Variants in CTNNBL1 observed in about 807,000 individuals in gnomAD.
The protein encoded by CTNNBL1 is catenin beta like 1.
In CTNNBL1, 31 loss-of-function variants were observed where a neutral mutation model predicts 72.7. The ratio of observed to expected loss-of-function variants is 0.43; its 90% CI spans 0.32 to 0.58. CTNNBL1 has a LOEUF of 0.58. Ranked by LOEUF, CTNNBL1 falls within the 20% of genes least tolerant of loss-of-function variation. The pLI, the probability that CTNNBL1 is intolerant of heterozygous loss-of-function variation, is 0.08. For synonymous variants in CTNNBL1, 240 were observed against 267.3 expected (o/e 0.90, Z 1.00); for missense variants, 534 against 725.1 (o/e 0.74, Z 3.03).
intron 10 of CTNNBL1, among the ~76,000 whole-genome samples, 186 bp downstream of exon 10, chr20:37,779,521 G>A (rs970564527): frequency 3.3e-5 from 5 of 152,096 alleles, no homozygotes; most frequent in African/African-American, 9.7e-5. Context: ...TAAAGTTAGA[G>A]TAGATGAATA....
chr20:37,808,638 G>T (rs2071981664), intron 11 of CTNNBL1, among the ~76,000 whole-genome samples: 1 of 152,034 alleles, frequency 6.6e-6, no homozygotes, highest in Admixed American at 6.6e-5. Flanking sequence ...GAATAGATTG[G>T]CAGTGTCTTC....
intron 1 of CTNNBL1, among the ~76,000 whole-genome samples, chr20:37,702,601 A>G (rs2072853731): frequency 6.6e-6 from 1 of 152,238 alleles, no homozygotes; most frequent in Non-Finnish European, 1.5e-5. Context: ...GGACCAGAAC[A>G]GATACAGAGC....
intron 15 of CTNNBL1, among the ~76,000 whole-genome samples, chr20:37,866,936 T>A (rs2072541417): frequency 6.6e-6 from 1 of 152,054 alleles, no homozygotes. Flanking sequence ...CCCCGGGGCC[T>A]TGTGGGGGTG....
At chr20:37,780,988 C>T (rs1241863684) in intron 10 of CTNNBL1, among the ~76,000 whole-genome samples, 2 of 152,136 alleles carry the variant, frequency 1.3e-5, no homozygotes, top group Non-Finnish European at 1.5e-5. Flanking sequence ...TAGACCTCTT[C>T]ATTTGTCCAG....
At chr20:37,766,932 A>G (rs2073473841) in intron 6 of CTNNBL1, among the ~76,000 whole-genome samples, 1 of 152,188 alleles carries the variant, frequency 6.6e-6, no homozygotes, top group Admixed American at 6.5e-5. Context: ...AATGGCAGAA[A>G]GTAATTCAGG....
At chr20:37,774,730 T>C (rs2073559172) in intron 7 of CTNNBL1, among the ~76,000 whole-genome samples, 1 of 152,196 alleles carries the variant, frequency 6.6e-6, no homozygotes, top group Non-Finnish European at 1.5e-5. Context: ...GAGGAAGATA[T>C]TAATTTGGCC....
At chr20:37,841,933 G>A (rs535658902) in intron 12 of CTNNBL1, among the ~76,000 whole-genome samples, 42 of 152,234 alleles carry the variant, frequency 2.8e-4, no homozygotes, top group Admixed American at 2.7e-3. Flanking sequence ...GAACATGAAA[G>A]GTTTCAGTTT....
At chr20:37,835,683 G>A (rs527557820) in intron 11 of CTNNBL1, among the ~76,000 whole-genome samples, 1 of 152,212 alleles carries the variant, frequency 6.6e-6, no homozygotes, top group African/African-American at 2.4e-5. Flanking sequence ...GTCAAAATAT[G>A]TGGGCTTGTA....
Position 37,813,802 on chromosome 20 carries a change from C to G in CTNNBL1, c.1213+10754C>G, listed in dbSNP as rs557554873. On this transcript the variant is annotated intron_variant, in intron 11 of 15. Transcript: ENST00000361383. ...AAACAAAAGTAGAGAAATAGCCAGA[C>G]TCCTTTAGTTATTTCTCCAGCATTT... Among the ~76,000 whole-genome samples, 4 of 152,296 alleles carry G rather than the reference C, an allele frequency of 2.6e-5. No homozygotes were observed. The South Asian group carries it at 8.3e-4, about 32-fold the overall frequency.
intron 1 of CTNNBL1, among the ~76,000 whole-genome samples, chr20:37,697,374 C>T (rs1015976736): frequency 6.6e-6 from 1 of 151,950 alleles, no homozygotes; most frequent in Non-Finnish European, 1.5e-5. Context: ...TGAGAGGGAC[C>T]CAGTCATGTG....
chr20:37,725,986 A>AAAAAG (rs953162445), intron 1 of CTNNBL1, among the ~76,000 whole-genome samples: 2 of 152,172 alleles, frequency 1.3e-5, no homozygotes, highest in Admixed American at 6.5e-5. Context: ...TCCGTCTCAA[A>AAAAAG]AAAAGAAAAG....
chr20:37,739,296 C>T (rs1359674256), intron 3 of CTNNBL1, among the ~76,000 whole-genome samples: 3 of 152,056 alleles, frequency 2.0e-5, no homozygotes, highest in Non-Finnish European at 4.4e-5. Flanking sequence ...TCATACTGTG[C>T]ATATTCTGCA....
At chr20:37,776,029 C>T (rs1219317992) in intron 7 of CTNNBL1, among the ~76,000 whole-genome samples, 1 of 152,202 alleles carries the variant, frequency 6.6e-6, no homozygotes, top group African/African-American at 2.4e-5. Flanking sequence ...ATGCTTACTC[C>T]TTGGCTTTTC....
At chr20:37,786,040 G>T (rs959157134) in intron 10 of CTNNBL1, among the ~76,000 whole-genome samples, 3 of 152,178 alleles carry the variant, frequency 2.0e-5, no homozygotes, top group South Asian at 2.1e-4. Context: ...GGGTAAAATC[G>T]AAGAGAATTC....
intron 1 of CTNNBL1, among the ~76,000 whole-genome samples, chr20:37,701,157 C>T (rs980104336): frequency 6.6e-6 from 1 of 152,158 alleles, no homozygotes; most frequent in Non-Finnish European, 1.5e-5. Flanking sequence ...TTTAATTTAA[C>T]ATTGCCAGGA....
chr20:37,699,357 G>T (rs572243777), intron 1 of CTNNBL1, among the ~76,000 whole-genome samples: 18 of 152,326 alleles, frequency 1.2e-4, no homozygotes, highest in African/African-American at 4.1e-4. Context: ...AGTGTTTTCA[G>T]ACAAGTTATC....
In CTNNBL1 at chr20:37,855,540, A is replaced by G. The variant is rs189752450; in HGVS notation, c.1393-4359A>G. ...CAAGACATCTCTGTTGAGTGGGTAA[A>G]TGAATGAGTTCCACTCCAGGTTCCT... On this transcript the variant is annotated intron_variant, in intron 13 of 15. Transcript: ENST00000361383. Among the ~76,000 whole-genome samples, 32 of 152,282 alleles carry G rather than the reference A, an allele frequency of 2.1e-4. No homozygotes were observed. The East Asian group carries it at 5.6e-3, about 27-fold the overall frequency.
intron 2 of CTNNBL1, 48 bp downstream of exon 2, chr20:37,733,115 A>G (rs768561932): frequency 1.3e-6 from 2 of 1,570,400 alleles, no homozygotes; most frequent in African/African-American, 2.7e-5. Flanking sequence ...GCCCTGTAAA[A>G]CGTAATTTTG....
intron 2 of CTNNBL1, among the ~76,000 whole-genome samples, chr20:37,736,643 T>C (rs942738451): frequency 1.3e-5 from 2 of 151,894 alleles, no homozygotes; most frequent in African/African-American, 4.8e-5. Flanking sequence ...CAGGTTCAAG[T>C]GATTCTCATG....
Sources: allele counts gnomAD v4.1 joint callset (sites outside exome capture counted in the v4.1 genomes callset), GRCh38; gene constraint gnomAD v4.1.1; transcripts MANE v1.5; gene names NCBI Gene and HGNC (gene_info 2026-07-23, HGNC 2026-07-21).